The following TMCC1 variants were observed in gnomAD, a reference collection of about 807,000 sequenced individuals.
TMCC1 encodes transmembrane and coiled-coil domain family 1.
A neutral mutation model predicts 52.4 loss-of-function variants in TMCC1; 15 were observed. The ratio of observed to expected loss-of-function variants is 0.29; its 90% CI spans 0.19 to 0.44. The LOEUF is 0.44. TMCC1 is among the 20% of genes least tolerant of loss of function. The pLI, the probability that TMCC1 is intolerant of heterozygous loss-of-function variation, is 1.00. For synonymous variants in TMCC1, 279 were observed against 301.9 expected (o/e 0.92, Z 0.79); for missense variants, 503 against 806.0 (o/e 0.62, Z 4.55).
intron 4 of TMCC1, among the ~76,000 whole-genome samples, chr3:129,715,802 T>A (rs1296894209): frequency 7.2e-5 from 11 of 152,210 alleles, no homozygotes; most frequent in Admixed American, 7.2e-4. Context: ...CCCACCATAT[T>A]ACTTTATATT....
intron 4 of TMCC1, among the ~76,000 whole-genome samples, chr3:129,796,777 G>A (rs1178839324): frequency 3.3e-5 from 5 of 152,208 alleles, no homozygotes; most frequent in East Asian, 3.8e-4. Flanking sequence ...GGAATTTGAC[G>A]CTGCAGTGAG....
intron 4 of TMCC1, among the ~76,000 whole-genome samples, chr3:129,792,187 T>TAC (rs1553872625): frequency 2.0e-5 from 3 of 148,048 alleles, no homozygotes; most frequent in Non-Finnish European, 1.5e-5. Flanking sequence ...TATATATATA[T>TAC]ACATATATAT....
intron 4 of TMCC1, among the ~76,000 whole-genome samples, chr3:129,671,704 C>T (rs2087957682): frequency 6.6e-6 from 1 of 152,178 alleles, no homozygotes; most frequent in South Asian, 2.1e-4. Flanking sequence ...CTGATCCACA[C>T]TTATAGATTA....
Position 129,849,801 on chromosome 3 carries a change from T to C in TMCC1, c.-183-16975A>G, listed in dbSNP as rs1055983863. Among the ~76,000 whole-genome samples the C allele has an allele frequency of 8.2e-5, 12 of 146,516 alleles. No individual in the cohort carries two copies. In the South Asian group the frequency reaches 2.4e-3, roughly 29 times the overall value. ...AAAAAATAAAAAAAGTATCTCTACA[T>C]ACACACACACATACATATATACACC... On this transcript the variant is annotated intron_variant, in intron 2 of 6. Coordinates refer to ENST00000393238, the MANE Select transcript of TMCC1 (RefSeq NM_001017395.5).
At chr3:129,823,019 T>A (rs1466770090) in intron 4 of TMCC1, among the ~76,000 whole-genome samples, 1 of 152,214 alleles carries the variant, frequency 6.6e-6, no homozygotes, top group Non-Finnish European at 1.5e-5. Context: ...TTGCCATAAC[T>A]TTAATTTTTA....
intron 4 of TMCC1, among the ~76,000 whole-genome samples, chr3:129,697,482 T>C (rs549076887): frequency 1.3e-5 from 2 of 152,204 alleles, no homozygotes; most frequent in Non-Finnish European, 2.9e-5. Flanking sequence ...GAGGGGCTGT[T>C]GCAAAGGTCT....
intron 4 of TMCC1, among the ~76,000 whole-genome samples, chr3:129,702,797 C>G (rs937370793): frequency 1.6e-4 from 25 of 152,250 alleles, no homozygotes; most frequent in African/African-American, 6.0e-4. Flanking sequence ...GGGTAGATCA[C>G]TGGATATCAG....
intron 1 of TMCC1, among the ~76,000 whole-genome samples, chr3:129,884,320 GA>G (rs1335465823): frequency 6.6e-6 from 1 of 151,940 alleles, no homozygotes; most frequent in Non-Finnish European, 1.5e-5. Context: ...TTAAAATAAA[GA>G]AAAAAGCAAT....
At chr3:129,837,842 A>G (rs1334357074) in intron 2 of TMCC1, among the ~76,000 whole-genome samples, 3 of 152,252 alleles carry the variant, frequency 2.0e-5, no homozygotes, top group Admixed American at 2.0e-4. Flanking sequence ...AGTGGAAACC[A>G]AATTAGAAAT....
intron 4 of TMCC1, among the ~76,000 whole-genome samples, chr3:129,817,625 G>A (rs2058164707): frequency 6.6e-6 from 1 of 151,998 alleles, no homozygotes; most frequent in Non-Finnish European, 1.5e-5. Context: ...TTTCAGAGTG[G>A]CTGAAGTTTC....
At position 129,654,977 on chromosome 3, in the gene TMCC1, C is replaced by T; in HGVS notation, c.1638G>A (p.Arg546=). 6.2e-7 allele frequency: 1 copy of T among 1,613,830 alleles called. No individual in the cohort carries two copies. Residue 546 remains arginine (R), a synonymous_variant, in exon 6 of 7, where the codon CGG becomes CGA. Transcript: ENST00000393238. ...TTTCCTTCATACTAACCTGGATGTC[C>T]CGGGCCCGTTCATAGGACTGATACG... is the stretch of plus-strand genomic sequence containing the variant. ...KIAYQSYERA[R]DIQEALEACQ...
chr3:129,839,439 T>TA (rs569059708), intron 2 of TMCC1, among the ~76,000 whole-genome samples: 34 of 149,230 alleles, frequency 2.3e-4, no homozygotes, highest in South Asian at 1.7e-3. Context: ...AAAATGGAAT[T>TA]AAAAAAAAAA....
At chr3:129,788,497 C>G (rs1241346478) in intron 4 of TMCC1, among the ~76,000 whole-genome samples, 1 of 151,806 alleles carries the variant, frequency 6.6e-6, no homozygotes, top group East Asian at 1.9e-4. Context: ...GAGTGTTGCT[C>G]TGTCGCCCAG....
chr3:129,778,294 A>T (rs1323234191), intron 4 of TMCC1, among the ~76,000 whole-genome samples: 1 of 152,240 alleles, frequency 6.6e-6, no homozygotes, highest in Non-Finnish European at 1.5e-5. Context: ...TGCAATAAAA[A>T]ACAATTTAGG....
intron 4 of TMCC1, among the ~76,000 whole-genome samples, chr3:129,761,254 G>A (rs952446060): frequency 1.3e-5 from 2 of 151,230 alleles, no homozygotes; most frequent in Admixed American, 6.6e-5. Flanking sequence ...CGTGAACCTG[G>A]GAGGCGGAGC....
intron 2 of TMCC1, among the ~76,000 whole-genome samples, chr3:129,835,294 A>G (rs1218697486): frequency 1.3e-5 from 2 of 151,474 alleles, no homozygotes; most frequent in East Asian, 1.9e-4. Context: ...TTCCAAACAT[A>G]AAAAAAATTC....
At chr3:129,856,389 AG>A (rs1425573194) in intron 2 of TMCC1, among the ~76,000 whole-genome samples, 1 of 152,150 alleles carries the variant, frequency 6.6e-6, no homozygotes, top group Non-Finnish European at 1.5e-5. Context: ...TAACCTATGA[AG>A]TCTATGTTAA....
At chr3:129,709,790 G>A (rs1242255588) in intron 4 of TMCC1, among the ~76,000 whole-genome samples, 2 of 152,032 alleles carry the variant, frequency 1.3e-5, no homozygotes, top group African/African-American at 4.8e-5. Flanking sequence ...AGCAGCATAA[G>A]AACAATAATG....
At chr3:129,730,401 T>C (rs1170420161) in intron 4 of TMCC1, among the ~76,000 whole-genome samples, 3 of 152,222 alleles carry the variant, frequency 2.0e-5, no homozygotes, top group Non-Finnish European at 2.9e-5. Context: ...ACACCTCTTT[T>C]TGAAAACACT....
Sources: allele counts gnomAD v4.1 joint callset (sites outside exome capture counted in the v4.1 genomes callset), GRCh38; gene constraint gnomAD v4.1.1; transcripts MANE v1.5; gene names NCBI Gene and HGNC (gene_info 2026-07-23, HGNC 2026-07-21).